The following SLC5A8 variants were observed in gnomAD, a reference collection of about 807,000 sequenced individuals.
The protein encoded by SLC5A8 is solute carrier family 5 member 8, also known as sodium-coupled monocarboxylate transporter 1.
A neutral mutation model predicts 71.9 loss-of-function variants in SLC5A8; 55 were observed. The ratio of observed to expected loss-of-function variants is 0.77; its 90% CI spans 0.62 to 0.96. The LOEUF is 0.96. Ranked by LOEUF, SLC5A8 falls within the 40% of genes least tolerant of loss-of-function variation. The pLI, the probability that SLC5A8 is intolerant of heterozygous loss-of-function variation, is 0.00. For missense variants in SLC5A8, 701 were observed against 745.3 expected (o/e 0.94, Z 0.69); for synonymous variants, 307 against 276.1 (o/e 1.11, Z -1.11).
chr12:101,166,690 C>G lies in SLC5A8; in HGVS notation c.1330G>C (p.Val444Leu), dbSNP rs1262242982. 6.2e-7 allele frequency: 1 copy of G among 1,600,454 alleles called. No individual in the cohort carries two copies. The highest frequency in any genetic ancestry group is 8.5e-7 in the Non-Finnish European group (1 of 1,174,662). ...VPFANSIGALVGLMAGFAISL... is the reference protein window; with the variant it reads ...VPFANSIGALLGLMAGFAISL... ...ATGGCAAATCCAGCCATCAGACCAA[C>G]AAGTGCTCCCTGTAAAACAAGAATG... Residue 444 changes from valine to leucine, a missense_variant, in exon 12 of 15, where the codon GTT becomes CTT. Physicochemically the swap from Val to Leu is conservative, Grantham distance 32. Transcript: ENST00000536262.
intron 12 of SLC5A8, among the ~76,000 whole-genome samples, chr12:101,164,585 TC>T (rs1271129002): frequency 6.6e-6 from 1 of 152,154 alleles, no homozygotes; most frequent in African/African-American, 2.4e-5. Flanking sequence ...GATTCTTCAG[TC>T]CTTCATGCTT....
At chr12:101,178,143 C>T (rs986204514) in intron 10 of SLC5A8, among the ~76,000 whole-genome samples, 9 of 152,058 alleles carry the variant, frequency 5.9e-5, no homozygotes, top group African/African-American at 2.2e-4. Context: ...ATAAAAAATA[C>T]GATTTGCATA....
At chr12:101,198,216 T>C (rs1273829815) in intron 3 of SLC5A8, among the ~76,000 whole-genome samples, 2 of 151,726 alleles carry the variant, frequency 1.3e-5, no homozygotes, top group Non-Finnish European at 3.0e-5. Context: ...CTTTATGAAA[T>C]AAGAAATATT....
rs1187326828 is a variant in SLC5A8, at chr12:101,210,012, G to A, written c.-164C>T. Reference sequence around the variant, plus strand: ...TCGGCCTCCGAACGCACCCCGAGGCGGGGTGAGGGCTGGCAGTCGCCCCTG... The same window carrying A: ...TCGGCCTCCGAACGCACCCCGAGGCAGGGTGAGGGCTGGCAGTCGCCCCTG... On this transcript the variant is annotated 5_prime_UTR_variant, in exon 1 of 15. Coordinates refer to ENST00000536262, the MANE Select transcript of SLC5A8 (RefSeq NM_145913.5). 32 of 591,430 alleles carry A rather than the reference G, an allele frequency of 5.4e-5. No homozygotes were observed. The highest frequency in any genetic ancestry group is 8.3e-5 in the Non-Finnish European group (30 of 362,346). 36.6% of individuals were successfully genotyped at this position (591,430 alleles called of 1,614,324 possible). A position where few individuals can be genotyped will look rare whatever the true frequency, so the allele number is the denominator to read the frequency against.
At chr12:101,193,511 C>T in intron 5 of SLC5A8, 114 bp downstream of exon 5, 1 of 1,261,468 alleles carries the variant, frequency 7.9e-7, no homozygotes, top group Non-Finnish European at 1.1e-6. Flanking sequence ...TGCTCTACCA[C>T]ATCCTTAGCA....
intron 13 of SLC5A8, 94 bp from the exon 14 acceptor site, chr12:101,158,422 G>A (rs1040195561): frequency 3.4e-5 from 26 of 767,982 alleles, no homozygotes; most frequent in South Asian, 6.7e-5. Flanking sequence ...ACTTGTTCAC[G>A]TTCAACTCCA....
At chr12:101,159,022 G>A (rs145201511) in intron 13 of SLC5A8, among the ~76,000 whole-genome samples, 5 of 149,800 alleles carry the variant, frequency 3.3e-5, no homozygotes, top group African/African-American at 1.2e-4. Context: ...TTTAAAAATT[G>A]TGTATCTCAA....
chr12:101,166,376 T>C lies in SLC5A8; in HGVS notation c.1526+118A>G. 8 of 757,834 alleles carry C rather than the reference T, an allele frequency of 1.1e-5. No individual in the cohort carries two copies. In the South Asian group the frequency reaches 1.7e-4, roughly 16 times the overall value. The allele number at this position is 757,834 out of a possible 1,614,324, so 46.9% of individuals were successfully genotyped here. On this transcript the variant is annotated intron_variant, in intron 12 of 14. Coordinates refer to ENST00000536262, the MANE Select transcript of SLC5A8 (RefSeq NM_145913.5). ...ATACTATAGCTAACCACATGGGTTT[T>C]ACTCATTTCAGAATTAGGCAAAATC...
At position 101,195,146 on chromosome 12, in the gene SLC5A8, C is replaced by T. The variant is rs1869115323; in HGVS notation, c.486G>A (p.Leu162=). 6.2e-7 allele frequency: 1 copy of T among 1,614,074 alleles called. No individual in the cohort carries two copies. Among genetic ancestry groups the T allele is most frequent in the Non-Finnish European group, 8.5e-7 (1 of 1,179,990 alleles). Residue 162 remains leucine (L), a synonymous_variant, in exon 4 of 15, where the codon CTG becomes CTA. Coordinates refer to ENST00000536262, the MANE Select transcript of SLC5A8 (RefSeq NM_145913.5). ...CCCCCGTTGCCACTACCGCGCCCCA[C>T]AGATCAAATCCTGTGACTGTAGAAA... The part of the protein sequence containing the change: ...LALNQVTGFD[L]WGAVVATGVV...
rs1345499758 is a variant in SLC5A8 at position 101,155,785 on chromosome 12, C to T, written c.*1494G>A. 6.7e-6 allele frequency: 1 copy of T among 148,464 alleles called. No individual in the cohort carries two copies. The highest frequency in any genetic ancestry group is 1.5e-5 in the Non-Finnish European group (1 of 67,560). 9.2% of individuals were successfully genotyped at this position (148,464 alleles called of 1,614,324 possible). ...AAATGTTCAGATTACAAGCATGAGC[C>T]ATCATGCCCAGGCTTTTTTTTTTTT... is the stretch of plus-strand genomic sequence containing the variant. On this transcript the variant is annotated 3_prime_UTR_variant, in exon 15 of 15. Transcript: ENST00000536262.
At chr12:101,171,975 G>C (rs1265953488) in intron 10 of SLC5A8, among the ~76,000 whole-genome samples, 1 of 152,190 alleles carries the variant, frequency 6.6e-6, no homozygotes, top group Non-Finnish European at 1.5e-5. Context: ...AGAGTTGCTT[G>C]ATTACAGAGC....
In SLC5A8 at chr12:101,180,060, G is replaced by A. The variant is rs200408412; in HGVS notation, c.1202C>T (p.Ala401Val). The A allele has an allele frequency of 6.3e-5, 101 of 1,613,976 alleles. No homozygotes were observed. In the South Asian group the frequency reaches 6.4e-4, roughly 10 times the overall value. Residue 401 changes from alanine (A) to valine (V), a missense_variant, in exon 10 of 15, where the codon GCG becomes GTG. By Grantham distance (64) the Ala-to-Val change is moderately conservative. Transcript: ENST00000536262. Reference sequence around the variant, plus strand: ...CAAAGCTCCCATAAGTGACGCCAGCGCAGCCATTCCAATACACAGGGCTCC... The same window carrying A: ...CAAAGCTCCCATAAGTGACGCCAGCACAGCCATTCCAATACACAGGGCTCC... ...VYGALCIGMA[A>V]LASLMGALLQ...
At chr12:101,167,476 G>A (rs2051784491) in intron 11 of SLC5A8, among the ~76,000 whole-genome samples, 1 of 152,158 alleles carries the variant, frequency 6.6e-6, no homozygotes, top group Non-Finnish European at 1.5e-5. Flanking sequence ...TGAACCAGTG[G>A]ACTTTCTTCT....
intron 2 of SLC5A8, among the ~76,000 whole-genome samples, chr12:101,204,072 T>C (rs1869571412): frequency 6.6e-6 from 1 of 152,236 alleles, no homozygotes; most frequent in South Asian, 2.1e-4. Flanking sequence ...TGTCTTCCTA[T>C]GGAAGTTAAT....
In SLC5A8 at chr12:101,195,133, C is replaced by G. The variant is rs910182471; in HGVS notation, c.499G>C (p.Val167Leu). 3.1e-6 allele frequency: 5 copies of G among 1,614,022 alleles called. No individual in the cohort carries two copies. The highest frequency in any genetic ancestry group is 1.1e-5 in the South Asian group (1 of 91,072). ...VTGFDLWGAV[V>L]ATGVVCTFYC... ...AATGTGCAGACCACCCCCGTTGCCA[C>G]TACCGCGCCCCACAGATCAAATCCT... The change falls in exon 4 of 15, where the codon GTG (valine) becomes CTG (leucine). Residue 167 changes from valine (V) to leucine (L), a missense_variant. Coordinates refer to ENST00000536262, the MANE Select transcript of SLC5A8 (RefSeq NM_145913.5).
chr12:101,170,992 C>T (rs2051824464), intron 10 of SLC5A8, among the ~76,000 whole-genome samples: 1 of 152,172 alleles, frequency 6.6e-6, no homozygotes, highest in Non-Finnish European at 1.5e-5. Context: ...GCATTTTATT[C>T]TGGCAGTGCT....
chr12:101,209,551 C>T lies in SLC5A8; in HGVS notation c.298G>A (p.Ala100Thr), dbSNP rs974949950. The T allele has an allele frequency of 3.7e-6, 6 of 1,613,694 alleles. No homozygotes were observed. Among genetic ancestry groups the T allele is most frequent in the Admixed American group, 3.3e-5 (2 of 59,968 alleles). Residue 100 changes from alanine (A) to threonine (T), a missense_variant, in exon 1 of 15, where the codon GCG becomes ACG. Ala to Thr is a moderately conservative substitution (Grantham distance 58). Transcript: ENST00000536262. ...FTYFFVVVISAEVFLPVFYKL... is the reference protein window; with the variant it reads ...FTYFFVVVISTEVFLPVFYKL... ...TAGAACACCGGGAGGAAGACCTCCGCGCTGATGACCACCACAAAGAAGTAG... is the reference window on the plus strand; with the variant it reads ...TAGAACACCGGGAGGAAGACCTCCGTGCTGATGACCACCACAAAGAAGTAG...
Position 101,187,407 on chromosome 12 carries a change from C to G in SLC5A8, c.942G>C (p.Lys314Asn), listed in dbSNP as rs116304556. Residue 314 changes from lysine to asparagine, a missense_variant, in exon 7 of 15, where the codon AAG becomes AAC. Physicochemically the swap from Lys to Asn is moderately conservative, Grantham distance 94. Coordinates refer to ENST00000536262, the MANE Select transcript of SLC5A8 (RefSeq NM_145913.5). ...GAACCTGGTCTGGTGCAGACACTTT[C>G]TTGGCTGTCCAAGGATCACAGTCAT... ...RYHDCDPWTAKKVSAPDQLMP... is the reference protein window; with the variant it reads ...RYHDCDPWTANKVSAPDQLMP... 1.2e-4 allele frequency: 200 copies of G among 1,613,806 alleles called. No individual in the cohort carries two copies. In the African/African-American group the frequency reaches 2.5e-3, roughly 20 times the overall value.
At chr12:101,160,138 C>A (rs2051711054) in intron 13 of SLC5A8, among the ~76,000 whole-genome samples, 2 of 152,112 alleles carry the variant, frequency 1.3e-5, no homozygotes, top group Non-Finnish European at 2.9e-5. Flanking sequence ...GCCAAGATCG[C>A]ACCACTGTAC....
Sources: allele counts gnomAD v4.1 joint callset (sites outside exome capture counted in the v4.1 genomes callset), GRCh38; gene constraint gnomAD v4.1.1; transcripts MANE v1.5; gene names NCBI Gene and HGNC (gene_info 2026-07-23, HGNC 2026-07-21).